Variants in MLF1 observed in about 807,000 individuals in gnomAD.
MLF1 encodes the protein myelodysplasia-myeloid leukemia factor 1.
A neutral mutation model predicts 38.3 loss-of-function variants in MLF1; 37 were observed. The observed-to-expected ratio is 0.96, with a 90% CI of 0.74 to 1.27. MLF1 has a LOEUF of 1.27. Ranked by LOEUF, MLF1 falls within the 50% of genes most tolerant of loss-of-function variation. MLF1 has a pLI of 0.00. For synonymous variants in MLF1, 95 were observed against 106.5 expected (o/e 0.89, Z 0.66); for missense variants, 331 against 349.2 (o/e 0.95, Z 0.42).
At chr3:158,598,289 A>T in intron 5 of MLF1, 81 bp downstream of exon 5, 31 of 1,110,710 alleles carry the variant, frequency 2.8e-5, no homozygotes, top group Non-Finnish European at 3.5e-5. Flanking sequence ...AACTATTAAA[A>T]TTTAATCTGG....
chr3:158,583,981 ACT>A (rs1716816168), intron 1 of MLF1, among the ~76,000 whole-genome samples: 1 of 152,214 alleles, frequency 6.6e-6, no homozygotes, highest in Admixed American at 6.5e-5. Flanking sequence ...AAAACAACTT[ACT>A]GGAAAAGATG....
intron 1 of MLF1, among the ~76,000 whole-genome samples, chr3:158,581,404 A>C (rs1716332465): frequency 6.6e-6 from 1 of 152,120 alleles, no homozygotes; most frequent in Non-Finnish European, 1.5e-5. Context: ...GTCAAGAGAA[A>C]CTTTTTTACC....
rs1443332512 is a variant in MLF1, at chr3:158,602,948, T to C, written c.746+9T>C. On this transcript the variant is annotated intron_variant, in intron 7 of 7. Coordinates refer to ENST00000466246, the MANE Select transcript of MLF1 (RefSeq NM_001369783.1). Reference sequence around the variant, plus strand: ...CGAGAACTTAAAAGAAGGTAAAAGTTGTTTCTAAAATAGTTTGGTTTTTTA... The same window carrying C: ...CGAGAACTTAAAAGAAGGTAAAAGTCGTTTCTAAAATAGTTTGGTTTTTTA... 16 of 1,604,996 alleles carry C rather than the reference T, an allele frequency of 1.0e-5. No homozygotes were observed. In the East Asian group the frequency reaches 1.8e-4, roughly 18 times the overall value.
chr3:158,584,610 G>A (rs1716913008), intron 1 of MLF1, among the ~76,000 whole-genome samples: 1 of 150,944 alleles, frequency 6.6e-6, no homozygotes, highest in Non-Finnish European at 1.5e-5. Flanking sequence ...TGAAGTAAAG[G>A]AAAATATGCT....
Position 158,605,134 on chromosome 3 carries a change from A to G in MLF1, c.784A>G (p.Arg262Gly). 1 of 1,613,792 alleles carries G rather than the reference A, an allele frequency of 6.2e-7. No homozygotes were observed. Among genetic ancestry groups the G allele is most frequent in the Non-Finnish European group, 8.5e-7 (1 of 1,179,800 alleles). ...PQQSPAIEHG[R>G]RSNVLGDKLH... ...ACAAAGTCCAGCCATTGAACATGGA[A>G]GGAGATCAAATGTTTTGGGGGACAA... Residue 262 changes from arginine (R) to glycine (G), a missense_variant, in exon 8 of 8, where the codon AGG (arginine) becomes GGG (glycine). Arg to Gly is a moderately radical substitution (Grantham distance 125). Coordinates refer to ENST00000466246, the MANE Select transcript of MLF1 (RefSeq NM_001369783.1).
chr3:158,583,005 C>A lies in MLF1; in HGVS notation c.48-9429C>A, dbSNP rs919930791. The stretch of plus-strand genomic sequence containing the variant: ...CAGTTTGTTCAAATAATAATAGGCA[C>A]ACACACATTTAATGGATTGAATGCC... On this transcript the variant is annotated intron_variant, in intron 1 of 7. Transcript: ENST00000466246. The A allele has an allele frequency of 6.8e-6, 4 of 587,554 alleles. No individual in the cohort carries two copies. The East Asian group carries it at 1.2e-4, about 18-fold the overall frequency. 36.4% of individuals were successfully genotyped at this position (587,554 alleles called of 1,614,324 possible). A position where few individuals can be genotyped will look rare whatever the true frequency, so the allele number is the denominator to read the frequency against.
At chr3:158,595,265 G>A (rs1490431057) in intron 3 of MLF1, among the ~76,000 whole-genome samples, 8 of 152,060 alleles carry the variant, frequency 5.3e-5, no homozygotes, top group Admixed American at 5.2e-4. Context: ...GAACTAACTA[G>A]GTTTAAAGTC....
At chr3:158,600,697 A>G (rs1322261434) in intron 6 of MLF1, among the ~76,000 whole-genome samples, 1 of 151,472 alleles carries the variant, frequency 6.6e-6, no homozygotes, top group Non-Finnish European at 1.5e-5. Context: ...AAGCATTTTA[A>G]GTGGTTACCT....
At chr3:158,583,060 T>C (rs79135464) in intron 1 of MLF1, 5 of 510,622 alleles carry the variant, frequency 9.8e-6, no homozygotes, top group Non-Finnish European at 1.7e-5. Flanking sequence ...TCTCCTTCCC[T>C]TTCCCCCAAG....
Position 158,600,039 on chromosome 3 carries a change from G to T in MLF1, c.479G>T (p.Arg160Ile). The change falls in exon 6 of 8, where the codon AGA becomes ATA. Residue 160 changes from arginine (R) to isoleucine (I), a missense_variant. Arg to Ile is a moderately conservative substitution (Grantham distance 97). Transcript: ENST00000466246. ...ATAAAGGAAACCAGGAAAGCAATGA[G>T]AGATTCTGACAGTGGACTAGAAAAA... is the stretch of plus-strand genomic sequence containing the variant. ...GGIKETRKAMRDSDSGLEKMA... is the reference protein window; with the variant it reads ...GGIKETRKAMIDSDSGLEKMA... 7.0e-7 allele frequency: 1 copy of T among 1,422,832 alleles called. No homozygotes were observed. The highest frequency in any genetic ancestry group is 9.2e-7 in the Non-Finnish European group (1 of 1,081,694). 88.1% of individuals were successfully genotyped at this position (1,422,832 alleles called of 1,614,324 possible). A position where few individuals can be genotyped will look rare whatever the true frequency, so the allele number is the denominator to read the frequency against.
At chr3:158,601,832 G>A (rs1304594668) in intron 6 of MLF1, among the ~76,000 whole-genome samples, 28 of 107,700 alleles carry the variant, frequency 2.6e-4, no homozygotes, top group African/African-American at 8.5e-4. Flanking sequence ...TTTTTGAGAC[G>A]GAGTCTCGCT....
Position 158,605,208 on chromosome 3 carries a change from C to T in MLF1, c.*6C>T, listed in dbSNP as rs1253882516. Reference sequence around the variant, plus strand: ...TGAAAAGCAACAAAAAATAAATAGCCATGCATTTGATTTGTTTAGTTTTGA... The same window carrying T: ...TGAAAAGCAACAAAAAATAAATAGCTATGCATTTGATTTGTTTAGTTTTGA... On this transcript the variant is annotated 3_prime_UTR_variant, in exon 8 of 8. Transcript: ENST00000466246. 2 of 1,602,022 alleles carry T rather than the reference C, an allele frequency of 1.2e-6. No homozygotes were observed. The highest frequency in any genetic ancestry group is 1.7e-6 in the Non-Finnish European group (2 of 1,170,744).
intron 1 of MLF1, among the ~76,000 whole-genome samples, chr3:158,587,424 A>C (rs1047775591): frequency 2.6e-5 from 4 of 152,198 alleles, no homozygotes; most frequent in Non-Finnish European, 5.9e-5. Context: ...TGGCTGCCCC[A>C]AGGCTGAGAG....
chr3:158,594,517 A>G (rs1420928531), intron 3 of MLF1, among the ~76,000 whole-genome samples: 2 of 152,196 alleles, frequency 1.3e-5, no homozygotes, highest in African/African-American at 2.4e-5. Context: ...AGCAGTGATG[A>G]CTTACGTCAA....
intron 1 of MLF1, among the ~76,000 whole-genome samples, chr3:158,577,579 T>G (rs549834333): frequency 6.6e-6 from 1 of 152,350 alleles, no homozygotes; most frequent in South Asian, 2.1e-4. Flanking sequence ...TTTTAATATA[T>G]AAATTTCTTA....
intron 5 of MLF1, 50 bp downstream of exon 5, chr3:158,598,258 AGACTGT>A (rs1560109998): frequency 6.4e-7 from 1 of 1,565,184 alleles, no homozygotes. Context: ...AGGGGATGAT[AGACTGT>A]CTAGATCAAA....
chr3:158,599,873 T>C (rs981072753), intron 5 of MLF1, 141 bp from the exon 6 acceptor site: 18 of 321,496 alleles, frequency 5.6e-5, no homozygotes, highest in African/African-American at 3.9e-4. Context: ...TACCACAGTT[T>C]TACCACAAGT....
At chr3:158,603,240 G>A (rs1290975983) in intron 7 of MLF1, among the ~76,000 whole-genome samples, 4 of 152,076 alleles carry the variant, frequency 2.6e-5, no homozygotes. Context: ...AGTTATTCTT[G>A]TAAAACACAT....
At chr3:158,584,669 G>GTT (rs201018937) in intron 1 of MLF1, among the ~76,000 whole-genome samples, 21,155 of 148,464 alleles carry the variant, frequency 0.14, 1,525 homozygotes, top group Non-Finnish European at 0.17. Flanking sequence ...GTGTGTGTGT[G>GTT]TGTGTGTGTG....
Sources: allele counts gnomAD v4.1 joint callset (sites outside exome capture counted in the v4.1 genomes callset), GRCh38; gene constraint gnomAD v4.1.1; transcripts MANE v1.5; gene names NCBI Gene and HGNC (gene_info 2026-07-23, HGNC 2026-07-21).